PLD5: variants seen among roughly 807,000 people sequenced by gnomAD.
PLD5 encodes inactive phospholipase D5.
A neutral mutation model predicts 61.1 loss-of-function variants in PLD5; 36 were observed. The observed-to-expected ratio is 0.59, with a 90% CI of 0.45 to 0.78. The LOEUF (loss-of-function observed/expected upper bound fraction) is 0.78, where lower values mean the gene tolerates loss of function less well. Ranked by LOEUF, PLD5 falls within the 30% of genes least tolerant of loss-of-function variation. The probability of loss-of-function intolerance (pLI) is 0.00; values close to 1 mark genes in which losing one functional copy is unlikely to be tolerated. For synonymous variants in PLD5, 243 were observed against 242.8 expected (o/e 1.00, Z -0.01); for missense variants, 515 against 644.4 (o/e 0.80, Z 2.17).
At chr1:242,525,971 A>T (rs542138011), upstream of PLD5, among the ~76,000 whole-genome samples, 1 of 152,354 alleles carries the variant, frequency 6.6e-6, no homozygotes, top group Admixed American at 6.5e-5. Context: ...TATATTGTGC[A>T]ATAGATGCCC....
intron 8 of PLD5, among the ~76,000 whole-genome samples, chr1:242,106,229 G>T (rs1356029667): frequency 6.6e-6 from 1 of 152,110 alleles, no homozygotes; most frequent in Non-Finnish European, 1.5e-5. Flanking sequence ...GGTATTTTTT[G>T]GTGTGTGGTG....
At position 242,411,361 on chromosome 1, in the gene PLD5, G is replaced by A. The variant is rs549446104; in HGVS notation, c.190-63119C>T. Among the ~76,000 whole-genome samples the A allele has an allele frequency of 7.2e-5, 11 of 152,134 alleles. No homozygotes were observed. In the East Asian group the frequency reaches 1.2e-3, roughly 16 times the overall value. On this transcript the variant is annotated intron_variant, in intron 1 of 9. Coordinates refer to ENST00000536534, the MANE Select transcript of PLD5 (RefSeq NM_001372062.1). ...CGCCATTCTCCTGCCTCAGCCTCCC[G>A]AGTAGCTGGGACTACAGGCGCCCGC...
intron 1 of PLD5, among the ~76,000 whole-genome samples, chr1:242,473,798 G>C (rs1328574371): frequency 6.6e-6 from 1 of 152,150 alleles, no homozygotes; most frequent in South Asian, 2.1e-4. Context: ...ATATGAGCTA[G>C]CATTGTAGCA....
At chr1:242,474,943 A>G (rs1258806869) in intron 1 of PLD5, among the ~76,000 whole-genome samples, 2 of 152,186 alleles carry the variant, frequency 1.3e-5, no homozygotes, top group Non-Finnish European at 2.9e-5. Context: ...ATATGTATTT[A>G]TATGTATATT....
intron 2 of PLD5, among the ~76,000 whole-genome samples, chr1:242,302,213 T>C (rs1193968320): frequency 6.6e-6 from 1 of 152,220 alleles, no homozygotes; most frequent in African/African-American, 2.4e-5. Flanking sequence ...CTCTATCATA[T>C]AGCCTAGGTG....
At chr1:242,262,775 G>A (rs1209513106) in intron 4 of PLD5, among the ~76,000 whole-genome samples, 1 of 152,130 alleles carries the variant, frequency 6.6e-6, no homozygotes, top group Non-Finnish European at 1.5e-5. Flanking sequence ...TGCTGTGTTG[G>A]TGCAGGGAGG....
At chr1:242,513,499 A>G (rs1669002849) in intron 1 of PLD5, among the ~76,000 whole-genome samples, 1 of 152,196 alleles carries the variant, frequency 6.6e-6, no homozygotes, top group Admixed American at 6.5e-5. Flanking sequence ...TTATGGGACC[A>G]CAGAGGAGGG....
At chr1:242,255,010 C>A (rs111661892) in intron 4 of PLD5, among the ~76,000 whole-genome samples, 1 of 152,164 alleles carries the variant, frequency 6.6e-6, no homozygotes, top group African/African-American at 2.4e-5. Context: ...AAGTGGCATT[C>A]GCTTTGAGAA....
At chr1:242,463,216 T>C (rs890866850) in intron 1 of PLD5, among the ~76,000 whole-genome samples, 7 of 152,192 alleles carry the variant, frequency 4.6e-5, no homozygotes, top group African/African-American at 1.7e-4. Flanking sequence ...GCACATGATA[T>C]TGTCTCTTTC....
chr1:242,287,532 T>C (rs954232538), intron 3 of PLD5, among the ~76,000 whole-genome samples: 35 of 152,168 alleles, frequency 2.3e-4, no homozygotes, highest in African/African-American at 8.2e-4. Context: ...TATAATTGAA[T>C]AGATTCAATA....
At chr1:242,094,925 T>C (rs1212366185) in intron 9 of PLD5, among the ~76,000 whole-genome samples, 2 of 152,028 alleles carry the variant, frequency 1.3e-5, no homozygotes, top group African/African-American at 2.4e-5. Context: ...CTAAAATATA[T>C]ATTTATTATT....
At chr1:242,131,903 C>T (rs990796819) in intron 5 of PLD5, among the ~76,000 whole-genome samples, 12 of 145,102 alleles carry the variant, frequency 8.3e-5, no homozygotes, top group East Asian at 2.0e-4. Flanking sequence ...AGCGCAATCT[C>T]GGCTCACTGC....
At chr1:242,201,215 A>T (rs1274915453) in intron 5 of PLD5, among the ~76,000 whole-genome samples, 1 of 152,198 alleles carries the variant, frequency 6.6e-6, no homozygotes, top group East Asian at 1.9e-4. Context: ...AATATGACAG[A>T]ATTGGTGTTG....
At position 242,468,724 on chromosome 1, in the gene PLD5, C is replaced by CAT. The variant is rs530538824; in HGVS notation, c.189+55362_189+55363dup. ...ACGCACACACACACACATACACACA[C>CAT]ATATATATATACTTTTTCCCATCAA... On this transcript the variant is annotated intron_variant, in intron 1 of 9. Coordinates refer to ENST00000536534, the MANE Select transcript of PLD5 (RefSeq NM_001372062.1). Among the ~76,000 whole-genome samples, 15 of 151,800 alleles carry CAT rather than the reference C, an allele frequency of 9.9e-5. No homozygotes were observed. The South Asian group carries it at 1.7e-3, about 17-fold the overall frequency.
chr1:242,480,539 A>T (rs1189979407), intron 1 of PLD5, among the ~76,000 whole-genome samples: 3 of 152,216 alleles, frequency 2.0e-5, no homozygotes, highest in Non-Finnish European at 4.4e-5. Flanking sequence ...TGCTCTGCAA[A>T]AGACACCATT....
At chr1:242,434,787 G>A (rs563203563) in intron 1 of PLD5, among the ~76,000 whole-genome samples, 1 of 152,142 alleles carries the variant, frequency 6.6e-6, no homozygotes, top group Admixed American at 6.5e-5. Flanking sequence ...CTAATTTTTT[G>A]TATGTTTAGT....
intron 5 of PLD5, among the ~76,000 whole-genome samples, chr1:242,164,150 T>C (rs779749437): frequency 5.5e-5 from 8 of 146,372 alleles, no homozygotes; most frequent in Non-Finnish European, 1.2e-4. Context: ...CAGCCATTGG[T>C]CATGCATCTG....
intron 4 of PLD5, among the ~76,000 whole-genome samples, chr1:242,243,873 T>C (rs1049958085): frequency 2.6e-5 from 4 of 152,218 alleles, no homozygotes; most frequent in South Asian, 2.1e-4. Context: ...ATCAGGTCTT[T>C]TCACATTCCA....
At chr1:242,296,126 T>C (rs1193641350) in intron 2 of PLD5, among the ~76,000 whole-genome samples, 2 of 152,184 alleles carry the variant, frequency 1.3e-5, no homozygotes, top group African/African-American at 4.8e-5. Context: ...CTGTGCTCAA[T>C]GCCTGCTTCA....
Sources: gnomAD v4.1 joint callset for allele counts (sites outside exome capture counted in the v4.1 genomes callset) on GRCh38, gnomAD v4.1.1 for gene constraint, MANE v1.5 for transcripts, NCBI Gene and HGNC (gene_info 2026-07-23, HGNC 2026-07-21) for gene names.